The following ATPAF1 variants were observed in gnomAD, a reference collection of about 807,000 sequenced individuals.
ATPAF1 encodes ATP synthase mitochondrial F1 complex assembly factor 1, also known as homolog of yeast ATP11.
A neutral mutation model predicts 43.9 loss-of-function variants in ATPAF1; 26 were observed. The observed-to-expected ratio is 0.59, with a 90% CI of 0.43 to 0.82. ATPAF1 has a LOEUF of 0.82. Among genes scored for constraint, ATPAF1 ranks in the 40% least tolerant of loss-of-function variants. ATPAF1 has a pLI of 0.00. For synonymous variants in ATPAF1, 157 were observed against 168.0 expected (o/e 0.93, Z 0.50); for missense variants, 366 against 435.0 (o/e 0.84, Z 1.41).
intron 7 of ATPAF1, among the ~76,000 whole-genome samples, chr1:46,644,883 G>T (rs757622232): frequency 6.6e-6 from 1 of 152,220 alleles, no homozygotes; most frequent in Non-Finnish European, 1.5e-5. Context: ...TGTTTGTTAA[G>T]TGAGGCACAT....
At chr1:46,645,254 A>C in exon 7 of ATPAF1, 1 of 1,606,398 alleles carries the variant, frequency 6.2e-7, no homozygotes, top group Non-Finnish European at 8.5e-7. Context: ...GAGCACATAG[A>C]AACTGTGAAA....
chr1:46,637,911 G>A (rs1164084964), intron 8 of ATPAF1, among the ~76,000 whole-genome samples: 2 of 152,324 alleles, frequency 1.3e-5, no homozygotes, highest in Admixed American at 1.3e-4. Context: ...TAGACCTCTA[G>A]ACTCCCTGGC....
At chr1:46,633,955 C>T (rs1002723290), downstream of ATPAF1, 1 of 401,026 alleles carries the variant, frequency 2.5e-6, no homozygotes, top group African/African-American at 2.1e-5. Context: ...GCAGATAAGA[C>T]TCAAGTTTCT....
chr1:46,665,961 G>T, intron 1 of ATPAF1: 1 of 851,830 alleles, frequency 1.2e-6, no homozygotes, highest in South Asian at 2.2e-5. Context: ...TGAAGTCCAG[G>T]CTGGGGTGCT....
intron 8 of ATPAF1, among the ~76,000 whole-genome samples, chr1:46,640,811 C>T (rs1262076333): frequency 6.6e-6 from 1 of 152,190 alleles, no homozygotes; most frequent in African/African-American, 2.4e-5. Context: ...CTCTTTTTGA[C>T]TCAAATGTCC....
At chr1:46,666,944 T>C (rs1267473994) in intron 1 of ATPAF1, among the ~76,000 whole-genome samples, 3 of 152,190 alleles carry the variant, frequency 2.0e-5, no homozygotes, top group Non-Finnish European at 4.4e-5. Context: ...TCAGAGATGC[T>C]TGTGTGTAAA....
intron 8 of ATPAF1, among the ~76,000 whole-genome samples, chr1:46,640,023 C>T (rs1235498672): frequency 1.3e-5 from 2 of 152,190 alleles, no homozygotes; most frequent in Non-Finnish European, 2.9e-5. Flanking sequence ...TATATTGTCA[C>T]TCACTTGCAT....
intron 2 of ATPAF1, among the ~76,000 whole-genome samples, chr1:46,660,445 T>C (rs1245248173): frequency 6.6e-6 from 1 of 152,218 alleles, no homozygotes; most frequent in Non-Finnish European, 1.5e-5. Context: ...TTTTCACTTA[T>C]AGAAATAAAA....
downstream of ATPAF1, chr1:46,634,450 TACA>T (rs1189679747): frequency 1.3e-5 from 2 of 152,686 alleles, no homozygotes; most frequent in East Asian, 1.9e-4. Context: ...ACCCTGTCTC[TACA>T]ACAATACAAA....
At chr1:46,666,878 G>A (rs892839238) in intron 1 of ATPAF1, among the ~76,000 whole-genome samples, 1 of 152,216 alleles carries the variant, frequency 6.6e-6, no homozygotes, top group African/African-American at 2.4e-5. Context: ...TTGTTCATGA[G>A]TGGGTAAGAA....
Position 46,635,186 on chromosome 1 carries a change from T to C in ATPAF1, c.*590A>G, listed in dbSNP as rs142897797. 850 of 153,624 alleles carry C rather than the reference T, an allele frequency of 5.5e-3. 11 individuals carry two copies. Among genetic ancestry groups the C allele is most frequent in the East Asian group, 0.033 (174 of 5,198 alleles). The allele number at this position is 153,624 out of a possible 1,614,324, so 9.5% of individuals were successfully genotyped here. A position where few individuals can be genotyped will look rare whatever the true frequency, so the allele number is the denominator to read the frequency against. ...GGCCCTGTACCTGTTTATCTAACTA[T>C]ACCTGAAATTTGCTGATACCCCAAG... is the stretch of plus-strand genomic sequence containing the variant. On this transcript the variant is annotated 3_prime_UTR_variant, in exon 9 of 9. Coordinates refer to ENST00000574428, the Ensembl canonical transcript of ATPAF1.
intron 2 of ATPAF1, among the ~76,000 whole-genome samples, chr1:46,662,768 C>A (rs921496848): frequency 6.6e-6 from 1 of 152,124 alleles, no homozygotes; most frequent in Admixed American, 6.6e-5. Context: ...CTCAATTAGT[C>A]ATTTTATTTT....
intron 1 of ATPAF1, among the ~76,000 whole-genome samples, chr1:46,666,630 C>T (rs1022877056): frequency 3.9e-5 from 6 of 152,332 alleles, no homozygotes; most frequent in East Asian, 1.9e-4. Context: ...TGCCTCTGTA[C>T]CTTTGTTTAT....
intron 6 of ATPAF1, among the ~76,000 whole-genome samples, chr1:46,648,190 C>T (rs1569608263): frequency 1.3e-5 from 2 of 152,298 alleles, no homozygotes; most frequent in Non-Finnish European, 1.5e-5. Context: ...CGGCTCACTG[C>T]AGTCCCTGCC....
chr1:46,658,258 C>A (rs577764599), intron 3 of ATPAF1, 69 bp from the exon 4 acceptor site: 2 of 1,218,824 alleles, frequency 1.6e-6, no homozygotes, highest in Admixed American at 4.5e-5. Context: ...AACTCTATCT[C>A]TAAGCCTGTG....
At chr1:46,654,139 G>A (rs761588704) in intron 4 of ATPAF1, among the ~76,000 whole-genome samples, 1 of 152,148 alleles carries the variant, frequency 6.6e-6, no homozygotes, top group African/African-American at 2.4e-5. Context: ...TATGTGCCTT[G>A]TGTGTGATAG....
chr1:46,665,159 C>G, intron 2 of ATPAF1, 97 bp downstream of exon 2: 1 of 1,129,998 alleles, frequency 8.8e-7, no homozygotes, highest in Admixed American at 1.8e-5. Flanking sequence ...GTTCACCCAG[C>G]TGACCCATCA....
At chr1:46,634,054 G>A (rs1675794183), downstream of ATPAF1, 2 of 345,164 alleles carry the variant, frequency 5.8e-6, no homozygotes, top group Admixed American at 4.1e-5. Flanking sequence ...AAGGATAGCA[G>A]CTTCCCCAGT....
Position 46,643,195 on chromosome 1 carries a change from AGAAATGTG to A in ATPAF1, c.783_790del (p.Thr262GlufsTer4). 6.2e-7 allele frequency: 1 copy of A among 1,610,234 alleles called. No individual in the cohort carries two copies. Among genetic ancestry groups the A allele is most frequent in the Non-Finnish European group, 8.5e-7 (1 of 1,176,734 alleles). On this transcript the variant is annotated frameshift_variant and splice_region_variant, in exon 8 of 9. Transcript: ENST00000574428. LOFTEE classifies it high-confidence loss of function. ...AGAGTTTTGCAAGTTAATTCTTACC[AGAAATGTG>A]GAATCCATTTCTGCAGTCATCAGCA...
Sources: allele counts gnomAD v4.1 joint callset (sites outside exome capture counted in the v4.1 genomes callset), GRCh38; gene constraint gnomAD v4.1.1; transcripts MANE v1.5; gene names NCBI Gene and HGNC (gene_info 2026-07-23, HGNC 2026-07-21).